The following TAFA5 variants were observed in gnomAD, a reference collection of about 807,000 sequenced individuals.
TAFA5 encodes the protein chemokine-like protein TAFA-5.
A neutral mutation model predicts 15.3 loss-of-function variants in TAFA5; 6 were observed. That is an observed-to-expected ratio of 0.39 (90% CI 0.21 to 0.77). The LOEUF (loss-of-function observed/expected upper bound fraction) is 0.77. Ranked by LOEUF, TAFA5 falls within the 30% of genes least tolerant of loss-of-function variation. TAFA5 has a pLI of 0.41. For synonymous variants in TAFA5, 103 were observed against 80.7 expected, an observed-to-expected ratio of 1.28 and a Z score of -1.48; for missense variants, 161 against 193.1, an observed-to-expected ratio of 0.83 and a Z score of 0.98.
At chr22:48,745,980 C>T in intron 3 of TAFA5, among the ~76,000 whole-genome samples, 1 of 152,148 alleles carries the variant, frequency 6.6e-6, no homozygotes, top group South Asian at 2.1e-4. Flanking sequence ...GCACACTGTC[C>T]CGGGGAGAGA....
At chr22:48,666,989 C>T (rs1198726260) in intron 2 of TAFA5, among the ~76,000 whole-genome samples, 1 of 152,138 alleles carries the variant, frequency 6.6e-6, no homozygotes. Flanking sequence ...AGGTGATTTC[C>T]AGAGAAATGT....
chr22:48,634,116 A>ACTAG (rs1555894533), intron 1 of TAFA5, among the ~76,000 whole-genome samples: 1 of 73,332 alleles, frequency 1.4e-5, no homozygotes, highest in African/African-American at 6.2e-5. Flanking sequence ...ACGTTCACTC[A>ACTAG]CTCGCTCACT....
At chr22:48,601,093 A>G (rs1285498542) in intron 1 of TAFA5, among the ~76,000 whole-genome samples, 1 of 152,196 alleles carries the variant, frequency 6.6e-6, no homozygotes, top group Non-Finnish European at 1.5e-5. Context: ...CTTTAACTAC[A>G]GCCTGTTATT....
intron 2 of TAFA5, among the ~76,000 whole-genome samples, chr22:48,663,244 A>G (rs1481791357): frequency 2.0e-5 from 3 of 152,222 alleles, no homozygotes; most frequent in Non-Finnish European, 2.9e-5. Context: ...AGTTATGGAC[A>G]TGTCAACGGG....
rs369330295 is a variant in TAFA5 at position 48,566,319 on chromosome 22, G to T, written c.112+76615G>T. Among the ~76,000 whole-genome samples, 1,290 of 151,506 alleles carry T rather than the reference G, an allele frequency of 8.5e-3. 22 individuals carry two copies. Among genetic ancestry groups the T allele is most frequent in the African/African-American group, 0.03 (1,225 of 41,274 alleles). ...ATGGATGGATGATGGATAGATGGAT[G>T]GATGGACGATGGGTGGATGATGAAT... is the stretch of plus-strand genomic sequence containing the variant. On this transcript the variant is annotated intron_variant, in intron 1 of 3. Coordinates refer to ENST00000402357, the MANE Select transcript of TAFA5 (RefSeq NM_001082967.3). This position sits in a 1 kb window ranked among gnomAD's most constrained non-coding sequence, Gnocchi z 4.5.
intron 2 of TAFA5, chr22:48,693,348 A>G: frequency 6.2e-7 from 1 of 1,612,462 alleles, no homozygotes; most frequent in South Asian, 1.1e-5. Flanking sequence ...GAAAGCACAA[A>G]CACCCGAAAT....
At chr22:48,615,622 G>A (rs1036527962) in intron 1 of TAFA5, among the ~76,000 whole-genome samples, 1 of 152,164 alleles carries the variant, frequency 6.6e-6, no homozygotes, top group Non-Finnish European at 1.5e-5. Context: ...CATCCCCCAC[G>A]GGTCCTTCTG....
chr22:48,575,705 T>C (rs974659215), intron 1 of TAFA5, among the ~76,000 whole-genome samples: 2 of 140,132 alleles, frequency 1.4e-5, no homozygotes, highest in African/African-American at 5.2e-5. Flanking sequence ...CGCGGGCTGC[T>C]GGGAGCGCAG....
At chr22:48,735,499 A>G (rs1307967327) in intron 3 of TAFA5, among the ~76,000 whole-genome samples, 1 of 152,210 alleles carries the variant, frequency 6.6e-6, no homozygotes, top group Non-Finnish European at 1.5e-5. Context: ...CAAAACACCC[A>G]CACAGAGGCC....
intron 1 of TAFA5, among the ~76,000 whole-genome samples, chr22:48,538,454 A>G (rs887800468): frequency 3.9e-5 from 6 of 152,222 alleles, no homozygotes; most frequent in African/African-American, 1.4e-4. Flanking sequence ...TTCAGGATAC[A>G]GTATCGTCCA....
At chr22:48,542,046 C>T (rs578141597) in intron 1 of TAFA5, among the ~76,000 whole-genome samples, 2 of 150,998 alleles carry the variant, frequency 1.3e-5, no homozygotes, top group South Asian at 4.2e-4. Context: ...TTGGAGGGGC[C>T]GGGGCGTGTG....
chr22:48,743,718 T>C (rs1341825797), intron 3 of TAFA5, among the ~76,000 whole-genome samples: 1 of 152,218 alleles, frequency 6.6e-6, no homozygotes, highest in Non-Finnish European at 1.5e-5. Flanking sequence ...ATGTCCAATC[T>C]GCCAGCCCAG....
rs530960102 is a variant in TAFA5 at position 48,749,979 on chromosome 22, C to T, written c.*132C>T. ...CCGCCCACTCCGTTTCCCTGTGGTC[C>T]GTGAAGGACGGCCTCAGGCCTTGGC... On this transcript the variant is annotated 3_prime_UTR_variant, in exon 4 of 4. Transcript: ENST00000402357. 71 of 900,358 alleles carry T rather than the reference C, an allele frequency of 7.9e-5. 1 individual carries two copies. Among genetic ancestry groups the T allele is most frequent in the South Asian group, 7.8e-4 (52 of 66,702 alleles). The allele number at this position is 900,358 out of a possible 1,614,324, so 55.8% of individuals were successfully genotyped here.
intron 1 of TAFA5, among the ~76,000 whole-genome samples, chr22:48,584,137 A>C (rs1164124261): frequency 3.7e-5 from 5 of 136,412 alleles, no homozygotes; most frequent in East Asian, 2.2e-4. Context: ...ACATGCACAC[A>C]CCCCCCCACA....
At chr22:48,636,003 C>T (rs1054152582) in intron 1 of TAFA5, among the ~76,000 whole-genome samples, 4 of 152,260 alleles carry the variant, frequency 2.6e-5, no homozygotes, top group African/African-American at 4.8e-5. Context: ...CAGCCACCCA[C>T]ACACTTCCTG....
At chr22:48,657,379 G>A (rs1244068897) in intron 2 of TAFA5, among the ~76,000 whole-genome samples, 1 of 152,238 alleles carries the variant, frequency 6.6e-6, no homozygotes, top group Non-Finnish European at 1.5e-5. Context: ...AACAAGGAAT[G>A]AGTTATCAAA....
intron 1 of TAFA5, among the ~76,000 whole-genome samples, chr22:48,591,565 T>G (rs974658461): frequency 7.2e-5 from 11 of 152,036 alleles, no homozygotes; most frequent in Admixed American, 5.9e-4. Flanking sequence ...GCGCAGGGAG[T>G]GGGCACTGAC....
At chr22:48,711,700 G>C (rs1431564175) in intron 3 of TAFA5, among the ~76,000 whole-genome samples, 1 of 152,232 alleles carries the variant, frequency 6.6e-6, no homozygotes, top group East Asian at 1.9e-4. Context: ...GGCTTTTAGA[G>C]ACTCAGCGGA....
intron 2 of TAFA5, among the ~76,000 whole-genome samples, chr22:48,657,578 A>G (rs1180827881): frequency 1.3e-5 from 2 of 152,192 alleles, no homozygotes; most frequent in Non-Finnish European, 2.9e-5. Context: ...CAAGAAAACT[A>G]CAGATCTATG....
Sources: gnomAD v4.1 joint callset for allele counts (sites outside exome capture counted in the v4.1 genomes callset) on GRCh38, gnomAD v4.1.1 for gene constraint, Gnocchi (gnomAD v3.1) non-coding constraint, MANE v1.5 for transcripts, NCBI Gene and HGNC (gene_info 2026-07-23, HGNC 2026-07-21) for gene names.